GULP1: variants seen among roughly 807,000 people sequenced by gnomAD.
GULP1 encodes the protein GULP PTB domain containing engulfment adaptor 1.
A neutral mutation model predicts 40.9 loss-of-function variants in GULP1; 19 were observed. The ratio of observed to expected loss-of-function variants is 0.46; its 90% confidence interval spans 0.32 to 0.68. GULP1 has a LOEUF of 0.68. Among genes scored for constraint, GULP1 ranks in the 30% least tolerant of loss-of-function variants. GULP1 has a pLI of 0.03. For synonymous variants in GULP1, 119 were observed against 117.6 expected (o/e 1.01, Z -0.08); for missense variants, 312 against 362.2 (o/e 0.86, Z 1.12).
At chr2:188,551,100 A>T (rs1693347775) in intron 7 of GULP1, among the ~76,000 whole-genome samples, 1 of 151,612 alleles carries the variant, frequency 6.6e-6, no homozygotes, top group South Asian at 2.1e-4. Context: ...ATTTTTTAAG[A>T]CAAACTTTCT....
At chr2:188,499,137 A>G (rs201371516) in intron 4 of GULP1, among the ~76,000 whole-genome samples, 10 of 22,964 alleles carry the variant, frequency 4.4e-4, no homozygotes, top group East Asian at 3.4e-3. Flanking sequence ...ATGTGTGTGT[A>G]TATATATATA....
chr2:188,389,956 CT>C (rs879579451), intron 2 of GULP1, among the ~76,000 whole-genome samples: 748 of 144,622 alleles, frequency 5.2e-3, no homozygotes, highest in Middle Eastern at 0.011. Flanking sequence ...TTATTTCATC[CT>C]TTTTTTTTTT....
chr2:188,357,534 A>G (rs578004277), intron 1 of GULP1, among the ~76,000 whole-genome samples: 29 of 152,184 alleles, frequency 1.9e-4, no homozygotes, highest in Admixed American at 1.0e-3. Context: ...CTATTATTAA[A>G]AAGACAAAAA....
intron 2 of GULP1, among the ~76,000 whole-genome samples, chr2:188,414,108 T>G (rs1423608985): frequency 1.3e-5 from 2 of 150,312 alleles, no homozygotes; most frequent in East Asian, 4.0e-4. Flanking sequence ...TCCCAGCTAC[T>G]CAGGAAGCTG....
chr2:188,410,109 C>T (rs187208670), intron 2 of GULP1, among the ~76,000 whole-genome samples: 1 of 152,086 alleles, frequency 6.6e-6, no homozygotes, highest in East Asian at 1.9e-4. Flanking sequence ...ACAGTATCTT[C>T]AATAAACAGT....
intron 2 of GULP1, among the ~76,000 whole-genome samples, chr2:188,465,410 C>G (rs2060029729): frequency 6.6e-6 from 1 of 151,912 alleles, no homozygotes; most frequent in Non-Finnish European, 1.5e-5. Context: ...CCACTCTTCC[C>G]TCTCTGATCC....
At chr2:188,541,528 G>C (rs967216836) in intron 7 of GULP1, 2 of 614,610 alleles carry the variant, frequency 3.3e-6, no homozygotes, top group Middle Eastern at 4.2e-4. Context: ...TCATGGTCAT[G>C]AGCATAAACT....
intron 4 of GULP1, among the ~76,000 whole-genome samples, chr2:188,495,846 GA>G (rs1038763431): frequency 2.6e-5 from 4 of 151,176 alleles, no homozygotes; most frequent in African/African-American, 9.7e-5. Flanking sequence ...TTATTACACG[GA>G]AAAAAAAGCT....
At chr2:188,564,874 G>A (rs1697263535) in intron 7 of GULP1, among the ~76,000 whole-genome samples, 1 of 151,908 alleles carries the variant, frequency 6.6e-6, no homozygotes, top group Non-Finnish European at 1.5e-5. Context: ...GAACTGTATT[G>A]TAGAGTTTAG....
At chr2:188,484,502 A>G (rs971495871) in intron 4 of GULP1, among the ~76,000 whole-genome samples, 5 of 152,178 alleles carry the variant, frequency 3.3e-5, no homozygotes, top group Non-Finnish European at 7.3e-5. Context: ...GTCAAATTTA[A>G]AAGCAACTGA....
At chr2:188,555,269 T>A (rs749514935) in intron 7 of GULP1, among the ~76,000 whole-genome samples, 6 of 152,178 alleles carry the variant, frequency 3.9e-5, no homozygotes, top group Non-Finnish European at 8.8e-5. Context: ...GTGGTACACT[T>A]TGAGTCTTTT....
At chr2:188,549,995 TGTC>T (rs931246903) in intron 7 of GULP1, among the ~76,000 whole-genome samples, 8 of 151,750 alleles carry the variant, frequency 5.3e-5, no homozygotes, top group Non-Finnish European at 1.0e-4. Flanking sequence ...GAAGGACTCT[TGTC>T]GTAATCAAAT....
At chr2:188,385,262 G>A (rs1409882304) in intron 2 of GULP1, among the ~76,000 whole-genome samples, 2 of 152,152 alleles carry the variant, frequency 1.3e-5, no homozygotes, top group Non-Finnish European at 2.9e-5. Flanking sequence ...GGCATCCACA[G>A]GCTCAATACC....
intron 1 of GULP1, among the ~76,000 whole-genome samples, chr2:188,339,833 G>T (rs2042732488): frequency 1.3e-5 from 2 of 152,046 alleles, no homozygotes; most frequent in South Asian, 4.1e-4. Flanking sequence ...CAATTCACTG[G>T]GCTTCTTTGA....
intron 2 of GULP1, among the ~76,000 whole-genome samples, chr2:188,425,038 C>T (rs1016674086): frequency 6.6e-6 from 1 of 151,986 alleles, no homozygotes; most frequent in African/African-American, 2.4e-5. Context: ...CCAACTGATG[C>T]TCAATGACTT....
At chr2:188,505,378 A>T (rs2063802923) in intron 4 of GULP1, among the ~76,000 whole-genome samples, 1 of 151,810 alleles carries the variant, frequency 6.6e-6, no homozygotes, top group South Asian at 2.1e-4. Flanking sequence ...TCTGTATTGA[A>T]ATCATCTACA....
chr2:188,583,486 T>C (rs1177839558), intron 9 of GULP1, among the ~76,000 whole-genome samples: 3 of 152,226 alleles, frequency 2.0e-5, no homozygotes, highest in East Asian at 3.8e-4. Flanking sequence ...ATTATACATA[T>C]ATACATATTG....
intron 4 of GULP1, among the ~76,000 whole-genome samples, chr2:188,496,777 G>A (rs1172426016): frequency 6.6e-6 from 1 of 151,888 alleles, no homozygotes; most frequent in Admixed American, 6.6e-5. Context: ...CTGATGGGAG[G>A]TTATTAGATC....
chr2:188,536,589 G>C (rs1161523712), intron 6 of GULP1, among the ~76,000 whole-genome samples: 4 of 151,890 alleles, frequency 2.6e-5, no homozygotes, highest in Non-Finnish European at 5.9e-5. Flanking sequence ...GGTTACTATA[G>C]CCTTATAGTA....
Sources: allele counts gnomAD v4.1 joint callset (sites outside exome capture counted in the v4.1 genomes callset), GRCh38; gene constraint gnomAD v4.1.1; transcripts MANE v1.5; gene names NCBI Gene and HGNC (gene_info 2026-07-23, HGNC 2026-07-21).